Variants in NUP210L observed in about 807,000 individuals in gnomAD.
NUP210L encodes the protein nuclear pore membrane glycoprotein 210-like.
In NUP210L, 74 loss-of-function variants were observed where a neutral mutation model predicts 208.5. That is an observed-to-expected ratio of 0.35 (90% CI 0.29 to 0.43). The LOEUF is 0.43. NUP210L is among the 20% of genes least tolerant of loss of function. NUP210L has a pLI of 1.00. For synonymous variants in NUP210L, 780 were observed against 816.9 expected, an observed-to-expected ratio of 0.95 and a Z score of 0.77; for missense variants, 1,843 against 2,289.4, an observed-to-expected ratio of 0.81 and a Z score of 3.98.
At chr1:153,999,232 G>A (rs994479164) in intron 37 of NUP210L, among the ~76,000 whole-genome samples, 1 of 152,126 alleles carries the variant, frequency 6.6e-6, no homozygotes, top group Non-Finnish European at 1.5e-5. Flanking sequence ...GGAAGTGGGC[G>A]TGACAAATAC....
chr1:154,018,723 C>T (rs1248769662), intron 33 of NUP210L, among the ~76,000 whole-genome samples: 1 of 152,124 alleles, frequency 6.6e-6, no homozygotes, highest in Non-Finnish European at 1.5e-5. Flanking sequence ...CAACCAGTAC[C>T]CACTGTGATC....
At chr1:154,115,753 C>CTA (rs1188653541) in intron 12 of NUP210L, among the ~76,000 whole-genome samples, 1 of 151,892 alleles carries the variant, frequency 6.6e-6, no homozygotes, top group East Asian at 1.9e-4. Flanking sequence ...CCAATAATAC[C>CTA]TACGAGATAA....
At position 154,118,512 on chromosome 1, in the gene NUP210L, A is replaced by G. The variant is rs891214139; in HGVS notation, c.1464+159T>C. 7.2e-5 allele frequency among the ~76,000 whole-genome samples: 11 copies of G among 152,362 alleles called. 1 individual carries two copies. In the South Asian group the frequency reaches 8.3e-4, roughly 11 times the overall value. ...AGCATCTGTAACCAAGTCTTGTTAT[A>G]GATGACATTTTTCAAGAGTATAATT... On this transcript the variant is annotated intron_variant, in intron 11 of 39. Transcript: ENST00000368559.
chr1:154,061,078 T>C (rs770894981), intron 18 of NUP210L, 32 bp from the exon 19 acceptor site: 1 of 1,473,212 alleles, frequency 6.8e-7, no homozygotes, highest in Non-Finnish European at 9.5e-7. Context: ...CAAAAGTGAA[T>C]ATAAACATCT....
chr1:154,020,433 C>T (rs2790688), intron 32 of NUP210L, among the ~76,000 whole-genome samples: 22,556 of 152,206 alleles, frequency 0.15, 2,047 homozygotes, highest in East Asian at 0.49. Context: ...TTACTGCAGC[C>T]TTGATCTCCT....
At chr1:154,099,938 A>T in intron 14 of NUP210L, 60 bp downstream of exon 14, 1 of 1,522,242 alleles carries the variant, frequency 6.6e-7, no homozygotes, top group South Asian at 1.1e-5. Context: ...GTAAGCCCAT[A>T]AGCAGACATA....
chr1:154,142,253 A>T (rs575713417), intron 3 of NUP210L, among the ~76,000 whole-genome samples: 18 of 151,534 alleles, frequency 1.2e-4, no homozygotes, highest in South Asian at 2.1e-4. Context: ...ATACATTATA[A>T]TTTTTTTTTA....
At chr1:154,155,031 G>C (rs370950934) in exon 1 of NUP210L, 2 of 1,606,632 alleles carry the variant, frequency 1.2e-6, no homozygotes, top group Non-Finnish European at 1.7e-6. Context: ...TGATGACGCC[G>C]GACAGCCAGT....
rs568372775 is a variant in NUP210L at position 154,095,046 on chromosome 1, T to G, written c.2076A>C (p.Glu692Asp). Residue 692 changes from glutamate to aspartate, a missense_variant, in exon 15 of 40, where the codon GAA becomes GAC. Physicochemically the swap from Glu to Asp is conservative, Grantham distance 45 (BLOSUM62 2). This residue lies in a region of NUP210L where 408 missense variants were observed against 600.8 expected (regional missense o/e 0.68). Coordinates refer to ENST00000368559, the Ensembl canonical transcript of NUP210L. Reference sequence around the variant, plus strand: ...TCTTCTCTGTCTTCTCCGCATTCAATTCCAAAAAAAATCGGGAGGGCTCCA... The same window carrying G: ...TCTTCTCTGTCTTCTCCGCATTCAAGTCCAAAAAAAATCGGGAGGGCTCCA... 3.7e-6 allele frequency: 6 copies of G among 1,614,138 alleles called. No individual in the cohort carries two copies. The African/African-American group carries it at 6.7e-5, about 18-fold the overall frequency.
chr1:154,047,646 T>A (rs924928364), intron 25 of NUP210L, among the ~76,000 whole-genome samples: 2 of 152,240 alleles, frequency 1.3e-5, no homozygotes, highest in Non-Finnish European at 2.9e-5. Flanking sequence ...TAAGGAATGC[T>A]TTTAGTTAAT....
chr1:154,091,471 G>A (rs1655905298), intron 15 of NUP210L, among the ~76,000 whole-genome samples: 1 of 149,982 alleles, frequency 6.7e-6, no homozygotes, highest in Non-Finnish European at 1.5e-5. Context: ...GAGTGGATAA[G>A]CAACATGTCT....
chr1:154,073,330 G>A (rs1416684869), intron 16 of NUP210L, among the ~76,000 whole-genome samples: 7 of 151,658 alleles, frequency 4.6e-5, no homozygotes, highest in African/African-American at 9.7e-5. Flanking sequence ...CTCCCACCTC[G>A]GCCTCCCAAA....
intron 2 of NUP210L, 70 bp from the exon 3 acceptor site, chr1:154,143,647 A>G: frequency 7.6e-7 from 1 of 1,310,550 alleles, no homozygotes; most frequent in Non-Finnish European, 1.1e-6. Flanking sequence ...TCAAATACTC[A>G]AAACTGTATT....
chr1:154,025,439 CATG>C, intron 30 of NUP210L, 100 bp downstream of exon 30: 2 of 618,232 alleles, frequency 3.2e-6, no homozygotes, highest in African/African-American at 2.0e-5. Context: ...TCTTTAATGG[CATG>C]ATAAGAAAAT....
At chr1:154,001,704 T>C in intron 36 of NUP210L, 31 bp downstream of exon 36, 1 of 1,604,880 alleles carries the variant, frequency 6.2e-7, no homozygotes, top group Non-Finnish European at 8.5e-7. Flanking sequence ...TCCTGATCTC[T>C]TGTTCTGTTT....
intron 30 of NUP210L, 28 bp downstream of exon 30, chr1:154,025,514 G>GA: frequency 7.0e-7 from 1 of 1,431,708 alleles, no homozygotes. Flanking sequence ...TTATTTATTT[G>GA]TTTTTTTTAG....
chr1:154,140,392 C>T (rs578154879), intron 4 of NUP210L, among the ~76,000 whole-genome samples: 3 of 148,298 alleles, frequency 2.0e-5, no homozygotes, highest in East Asian at 2.0e-4. Context: ...AAAGGCAAGG[C>T]GCAGTGGCTC....
chr1:154,016,881 G>T (rs1164848326), intron 33 of NUP210L, among the ~76,000 whole-genome samples: 7 of 152,104 alleles, frequency 4.6e-5, no homozygotes, highest in Non-Finnish European at 1.0e-4. Flanking sequence ...TGGGAGGATA[G>T]CTTGAGCCCA....
At chr1:154,043,169 G>A (rs764100335) in intron 27 of NUP210L, among the ~76,000 whole-genome samples, 6 of 148,596 alleles carry the variant, frequency 4.0e-5, no homozygotes, top group East Asian at 2.0e-4. Flanking sequence ...ACAGGTGTGC[G>A]CCACTATGCC....
Sources: gnomAD v4.1 joint callset for allele counts (sites outside exome capture counted in the v4.1 genomes callset) on GRCh38, gnomAD v4.1.1 for gene constraint, gnomAD v4.1.1 regional missense constraint, MANE v1.5 for transcripts, NCBI Gene and HGNC (gene_info 2026-07-23, HGNC 2026-07-21) for gene names.